The following DENND1A variants were observed in gnomAD, a reference collection of about 807,000 sequenced individuals.
DENND1A encodes the protein DENN domain-containing protein 1A.
Under a neutral mutation model 113.7 loss-of-function variants are expected in DENND1A, and 51 were observed. That is an observed-to-expected ratio of 0.45 (90% CI 0.36 to 0.57). The LOEUF (loss-of-function observed/expected upper bound fraction) is 0.57, where lower values mean the gene tolerates loss of function less well. DENND1A is among the 20% of genes least tolerant of loss of function. The probability of loss-of-function intolerance (pLI) is 0.00; values close to 1 mark genes in which losing one functional copy is unlikely to be tolerated. For synonymous variants in DENND1A, 565 were observed against 570.8 expected, an observed-to-expected ratio of 0.99 and a Z score of 0.14; for missense variants, 1,258 against 1,395.9, an observed-to-expected ratio of 0.90 and a Z score of 1.57.
chr9:123,458,710 C>G (rs530218987), intron 13 of DENND1A, among the ~76,000 whole-genome samples: 21 of 152,282 alleles, frequency 1.4e-4, no homozygotes, highest in African/African-American at 4.6e-4. Context: ...GCCTGTAATC[C>G]CAGCATTTTG....
chr9:123,491,321 A>G (rs1265612649), intron 13 of DENND1A, among the ~76,000 whole-genome samples: 1 of 152,242 alleles, frequency 6.6e-6, no homozygotes, highest in Non-Finnish European at 1.5e-5. Flanking sequence ...ATGCTAAGTA[A>G]CAACATGAAG....
intron 7 of DENND1A, among the ~76,000 whole-genome samples, chr9:123,671,031 T>C (rs1232681176): frequency 2.0e-5 from 3 of 152,186 alleles, no homozygotes; most frequent in Admixed American, 6.5e-5. Context: ...CCAGCATCTG[T>C]GATCCAAGAG....
chr9:123,851,908 G>A (rs766135613), intron 2 of DENND1A, among the ~76,000 whole-genome samples: 20 of 152,296 alleles, frequency 1.3e-4, no homozygotes, highest in Non-Finnish European at 2.2e-4. Context: ...ATTTAAAGAA[G>A]GACGATTCAG....
chr9:123,775,927 CTG>C (rs2131736370), intron 3 of DENND1A, among the ~76,000 whole-genome samples: 1 of 152,294 alleles, frequency 6.6e-6, no homozygotes, highest in East Asian at 1.9e-4. Context: ...GTGATAAAAA[CTG>C]TGTCAGAGAA....
chr9:123,742,671 C>T (rs1201630954), intron 5 of DENND1A, among the ~76,000 whole-genome samples: 1 of 152,080 alleles, frequency 6.6e-6, no homozygotes, highest in Non-Finnish European at 1.5e-5. Flanking sequence ...CCCAGGGGCT[C>T]AGTTTGTGAA....
chr9:123,765,983 G>A (rs1401320525), intron 4 of DENND1A, among the ~76,000 whole-genome samples: 1 of 152,128 alleles, frequency 6.6e-6, no homozygotes, highest in Non-Finnish European at 1.5e-5. Context: ...ATAAAATGGG[G>A]AGTTTGAACC....
chr9:123,808,748 C>A (rs1836033872), intron 2 of DENND1A, among the ~76,000 whole-genome samples: 1 of 152,168 alleles, frequency 6.6e-6, no homozygotes, highest in Non-Finnish European at 1.5e-5. Context: ...ATCCACTCAT[C>A]AAAGTTCCTT....
At chr9:123,414,512 A>T in intron 19 of DENND1A, 1 of 1,546,356 alleles carries the variant, frequency 6.5e-7, no homozygotes, top group Non-Finnish European at 8.7e-7. Context: ...GTGTGAAGGG[A>T]AAAAAGGAGG....
intron 10 of DENND1A, among the ~76,000 whole-genome samples, chr9:123,612,718 T>C (rs1366501244): frequency 1.3e-5 from 2 of 152,324 alleles, no homozygotes; most frequent in Middle Eastern, 3.4e-3. Flanking sequence ...AATGAACACC[T>C]TCATGTTGCA....
chr9:123,744,967 G>A (rs765271987), intron 5 of DENND1A, among the ~76,000 whole-genome samples: 1 of 151,900 alleles, frequency 6.6e-6, no homozygotes, highest in East Asian at 1.9e-4. Context: ...GGAGAGACAG[G>A]GTTTCACCAT....
At chr9:123,578,448 C>G (rs2058727754) in intron 12 of DENND1A, among the ~76,000 whole-genome samples, 1 of 152,232 alleles carries the variant, frequency 6.6e-6, no homozygotes, top group African/African-American at 2.4e-5. Flanking sequence ...GGCGCAATCA[C>G]AGCTCACTGC....
At chr9:123,547,758 GC>G (rs1229719778) in intron 13 of DENND1A, among the ~76,000 whole-genome samples, 1 of 152,094 alleles carries the variant, frequency 6.6e-6, no homozygotes, top group East Asian at 1.9e-4. Context: ...AATTAAATGG[GC>G]CAGAATAATT....
intron 19 of DENND1A, among the ~76,000 whole-genome samples, chr9:123,416,695 C>T (rs546655639): frequency 2.0e-5 from 3 of 152,292 alleles, no homozygotes; most frequent in Non-Finnish European, 2.9e-5. Flanking sequence ...AGAGGGCCGG[C>T]GAAGCGGGGA....
intron 8 of DENND1A, 59 bp from the exon 9 acceptor site, chr9:123,652,182 T>C (rs1011199332): frequency 1.5e-6 from 2 of 1,335,092 alleles, no homozygotes; most frequent in African/African-American, 2.9e-5. Flanking sequence ...ATTATAACTG[T>C]ATCTAATAAG....
chr9:123,532,763 G>A lies in DENND1A; in HGVS notation c.993+24807C>T, dbSNP rs572724368. On this transcript the variant is annotated intron_variant, in intron 13 of 23. Transcript: ENST00000394215. The stretch of plus-strand genomic sequence containing the variant: ...ATGCACAGAAAACCCATCTGCCACA[G>A]AAAGTAAACTGGCTTCCTATAGCCC... 5.9e-5 allele frequency among the ~76,000 whole-genome samples: 9 copies of A among 152,304 alleles called. No homozygotes were observed. In the South Asian group the frequency reaches 1.9e-3, roughly 32 times the overall value.
intron 10 of DENND1A, among the ~76,000 whole-genome samples, chr9:123,617,475 G>A (rs2138052445): frequency 6.6e-6 from 1 of 152,288 alleles, no homozygotes; most frequent in Middle Eastern, 3.4e-3. Context: ...GCTTCCTGGG[G>A]TAACCTATGC....
chr9:123,745,555 T>G (rs768260878), intron 5 of DENND1A, among the ~76,000 whole-genome samples: 1 of 152,242 alleles, frequency 6.6e-6, no homozygotes, highest in Non-Finnish European at 1.5e-5. Context: ...CTTAATAGAA[T>G]AAAATTGCCC....
At chr9:123,680,506 T>C (rs1010777899) in intron 5 of DENND1A, among the ~76,000 whole-genome samples, 2 of 152,230 alleles carry the variant, frequency 1.3e-5, no homozygotes, top group Non-Finnish European at 2.9e-5. Flanking sequence ...GGACATGGTC[T>C]GTGTAAACAC....
intron 11 of DENND1A, among the ~76,000 whole-genome samples, chr9:123,588,773 G>T (rs78268654): frequency 0.059 from 8,577 of 144,638 alleles, 357 homozygotes; most frequent in African/African-American, 0.11. Flanking sequence ...ATTCTATTTT[G>T]TTTTTTTTTT....
Sources: gnomAD v4.1 joint callset for allele counts (sites outside exome capture counted in the v4.1 genomes callset) on GRCh38, gnomAD v4.1.1 for gene constraint, MANE v1.5 for transcripts, NCBI Gene and HGNC (gene_info 2026-07-23, HGNC 2026-07-21) for gene names.